The following RBFOX1 variants were observed in gnomAD, a reference collection of about 807,000 sequenced individuals.
RBFOX1 encodes RNA binding protein fox-1 homolog 1.
In RBFOX1, 8 loss-of-function variants were observed where a neutral mutation model predicts 57.7. The ratio of observed to expected loss-of-function variants is 0.14; its 90% CI spans 0.08 to 0.25. The LOEUF is 0.25. Ranked by LOEUF, RBFOX1 falls within the 10% of genes least tolerant of loss-of-function variation. The probability of loss-of-function intolerance (pLI) is 1.00; values close to 1 mark genes in which losing one functional copy is unlikely to be tolerated. For synonymous variants in RBFOX1, 326 were observed against 222.4 expected (o/e 1.47, Z -4.15); for missense variants, 611 against 548.5 (o/e 1.11, Z -1.14).
At chr16:6,342,350 A>G (rs4614728) in intron 2 of RBFOX1, among the ~76,000 whole-genome samples, 1 of 152,158 alleles carries the variant, frequency 6.6e-6, no homozygotes, top group Non-Finnish European at 1.5e-5. Flanking sequence ...CATGAATTAG[A>G]GATAGATTAA....
intron 3 of RBFOX1, among the ~76,000 whole-genome samples, chr16:5,834,710 G>GATAC (rs1300691776): frequency 8.8e-5 from 11 of 124,620 alleles, no homozygotes; most frequent in East Asian, 4.1e-4. Flanking sequence ...TAGATAGATA[G>GATAC]ATAGATACAT....
At chr16:6,853,049 C>T (rs1284316838) in intron 3 of RBFOX1, among the ~76,000 whole-genome samples, 2 of 152,164 alleles carry the variant, frequency 1.3e-5, no homozygotes, top group African/African-American at 2.4e-5. Context: ...TATTGCCAGG[C>T]AACCCAGAGA....
chr16:6,546,516 G>C (rs1409937101), intron 2 of RBFOX1, among the ~76,000 whole-genome samples: 3 of 152,132 alleles, frequency 2.0e-5, no homozygotes, highest in Non-Finnish European at 4.4e-5. Flanking sequence ...ATTGTGATTG[G>C]CAGCTCCATA....
chr16:5,847,735 C>T (rs1310421226), intron 3 of RBFOX1, among the ~76,000 whole-genome samples: 1 of 152,088 alleles, frequency 6.6e-6, no homozygotes, highest in African/African-American at 2.4e-5. Flanking sequence ...ACTGGTGTTC[C>T]ACAGCCTCAC....
At chr16:5,900,756 G>C (rs1235410904) in intron 4 of RBFOX1, among the ~76,000 whole-genome samples, 1 of 152,158 alleles carries the variant, frequency 6.6e-6, no homozygotes, top group Admixed American at 6.5e-5. Flanking sequence ...GGAGGGGATG[G>C]TGCCAGGAAT....
chr16:6,359,453 G>A (rs1297701194), intron 2 of RBFOX1, among the ~76,000 whole-genome samples: 1 of 152,164 alleles, frequency 6.6e-6, no homozygotes, highest in African/African-American at 2.4e-5. Flanking sequence ...GAGACTTTCA[G>A]CCACCTGATA....
At chr16:7,354,675 G>A (rs2097183851) in intron 4 of RBFOX1, among the ~76,000 whole-genome samples, 1 of 152,162 alleles carries the variant, frequency 6.6e-6, no homozygotes, top group South Asian at 2.1e-4. Flanking sequence ...TTTAGCTGGG[G>A]AAGATAGCAC....
At chr16:6,585,882 A>T (rs954324908) in intron 2 of RBFOX1, among the ~76,000 whole-genome samples, 1 of 152,208 alleles carries the variant, frequency 6.6e-6, no homozygotes, top group Non-Finnish European at 1.5e-5. Flanking sequence ...ATGCATGAGT[A>T]TTGTAGAAGT....
At chr16:6,668,645 A>G (rs1208872460) in intron 3 of RBFOX1, among the ~76,000 whole-genome samples, 1 of 152,200 alleles carries the variant, frequency 6.6e-6, no homozygotes, top group Non-Finnish European at 1.5e-5. Context: ...TCATCCTCAT[A>G]TAACTAGGGT....
chr16:5,337,216 G>C (rs140919508), intron 1 of RBFOX1, among the ~76,000 whole-genome samples: 44 of 152,298 alleles, frequency 2.9e-4, no homozygotes, highest in African/African-American at 9.6e-4. Context: ...GCCATTGACT[G>C]GGCTTGTGAG....
chr16:5,674,354 A>C (rs962500089), intron 3 of RBFOX1, among the ~76,000 whole-genome samples: 26 of 152,204 alleles, frequency 1.7e-4, no homozygotes, highest in Admixed American at 4.6e-4. Flanking sequence ...TTTCCTCTAC[A>C]ATGGGTAAAA....
chr16:5,663,500 T>G (rs1030450592), intron 3 of RBFOX1, among the ~76,000 whole-genome samples: 6 of 152,116 alleles, frequency 3.9e-5, no homozygotes, highest in African/African-American at 9.7e-5. Context: ...CTACCACACC[T>G]GGCTGAAAAA....
intron 4 of RBFOX1, among the ~76,000 whole-genome samples, chr16:7,162,884 T>C (rs1311709396): frequency 2.0e-5 from 3 of 152,158 alleles, no homozygotes; most frequent in African/African-American, 7.2e-5. Flanking sequence ...TATTCCCTGG[T>C]CCTCCTTCCA....
At chr16:6,111,796 A>G (rs2096449617) in intron 1 of RBFOX1, among the ~76,000 whole-genome samples, 1 of 152,192 alleles carries the variant, frequency 6.6e-6, no homozygotes, top group African/African-American at 2.4e-5. Flanking sequence ...TCAGACATAC[A>G]TTAGTGGTAT....
At chr16:6,968,881 C>G (rs2084891434) in intron 3 of RBFOX1, among the ~76,000 whole-genome samples, 1 of 151,450 alleles carries the variant, frequency 6.6e-6, no homozygotes, top group South Asian at 2.1e-4. Context: ...ACTCTTGACT[C>G]TTGGCTCTGT....
At chr16:5,557,708 A>G (rs922623104) in intron 2 of RBFOX1, among the ~76,000 whole-genome samples, 3 of 152,184 alleles carry the variant, frequency 2.0e-5, no homozygotes, top group African/African-American at 7.2e-5. Flanking sequence ...GGAACAGGGA[A>G]CTACTTGGTA....
Position 5,454,922 on chromosome 16 carries a change from TCTTTCTTCCTTC to T in RBFOX1, c.220-12290_220-12279del, listed in dbSNP as rs1234102370. Among the ~76,000 whole-genome samples the T allele has an allele frequency of 2.1e-3, 117 of 56,846 alleles. 2 individuals are homozygous for T. The highest frequency in any genetic ancestry group is 3.6e-3 in the South Asian group (6 of 1,648). 37.3% of individuals were successfully genotyped at this position (56,846 alleles called of 152,430 possible). On this transcript the variant is annotated intron_variant, in intron 1 of 2. Coordinates refer to the RBFOX1 transcript ENST00000585867. ...TCTTTCTTTCTTTCTTTCCTTTGTT[TCTTTCTTCCTTC>T]CTTCCTTCCTTCCTTCCTTCCTTCC...
chr16:5,267,040 G>A (rs1192443997), intron 1 of RBFOX1, among the ~76,000 whole-genome samples: 3 of 151,986 alleles, frequency 2.0e-5, no homozygotes, highest in Admixed American at 6.6e-5. Flanking sequence ...AGGGGCCACT[G>A]AGAGGAGCCT....
chr16:5,737,922 A>G (rs953598014), intron 3 of RBFOX1, among the ~76,000 whole-genome samples: 6 of 152,182 alleles, frequency 3.9e-5, no homozygotes, highest in African/African-American at 1.4e-4. Context: ...TTTGTTACAT[A>G]GGTACACATG....
Sources: allele counts gnomAD v4.1 joint callset (sites outside exome capture counted in the v4.1 genomes callset), GRCh38; gene constraint gnomAD v4.1.1; transcripts MANE v1.5; gene names NCBI Gene and HGNC (gene_info 2026-07-23, HGNC 2026-07-21).